Variants in SPATA13 observed in about 807,000 individuals in gnomAD.
The protein encoded by SPATA13 is spermatogenesis-associated protein 13.
A neutral mutation model predicts 104.0 loss-of-function variants in SPATA13; 50 were observed. The ratio of observed to expected loss-of-function variants is 0.48; its 90% confidence interval spans 0.38 to 0.61. The LOEUF is 0.61. SPATA13 is among the 20% of genes least tolerant of loss of function. SPATA13 has a pLI of 0.00. For missense variants in SPATA13, 1,524 were observed against 1,690.6 expected, an observed-to-expected ratio of 0.90 and a Z score of 1.73; for synonymous variants, 606 against 667.5, an observed-to-expected ratio of 0.91 and a Z score of 1.42.
intron 3 of SPATA13, chr13:24,123,365 C>T: frequency 7.7e-7 from 1 of 1,295,486 alleles, no homozygotes; most frequent in South Asian, 1.2e-5. Context: ...AGTGAATTAC[C>T]CAGCAAGCCC....
intron 1 of SPATA13, among the ~76,000 whole-genome samples, chr13:24,215,695 G>A (rs1871230090): frequency 6.6e-6 from 1 of 152,174 alleles, no homozygotes; most frequent in African/African-American, 2.4e-5. Flanking sequence ...ATTCCCTTTA[G>A]GGGTATTCTG....
intron 3 of SPATA13, among the ~76,000 whole-genome samples, chr13:24,066,424 G>A (rs1049254311): frequency 5.9e-5 from 9 of 152,180 alleles, no homozygotes; most frequent in African/African-American, 2.2e-4. Context: ...GCCCGGAGGT[G>A]AGACTCCCAG....
intron 1 of SPATA13, among the ~76,000 whole-genome samples, chr13:24,209,641 C>T (rs1870903324): frequency 6.6e-6 from 1 of 152,156 alleles, no homozygotes; most frequent in Non-Finnish European, 1.5e-5. Flanking sequence ...TGTGTATACA[C>T]CACATTTTCT....
Position 24,139,703 on chromosome 13 carries a change from G to A in SPATA13, c.-111-83116G>A, listed in dbSNP as rs1245249979. Among the ~76,000 whole-genome samples, 8 of 152,124 alleles carry A rather than the reference G, an allele frequency of 5.3e-5. No homozygotes were observed. In the East Asian group the frequency reaches 1.3e-3, roughly 26 times the overall value. On this transcript the variant is annotated intron_variant, in intron 3 of 14. Transcript: ENST00000424834. ...GGAAGGTGCTCTGGGTTTATTTCTC[G>A]CCATGGCACTGCTTAGCTACATGAT...
intron 1 of SPATA13, among the ~76,000 whole-genome samples, chr13:24,190,900 A>C (rs1869696194): frequency 6.6e-6 from 1 of 152,172 alleles, no homozygotes; most frequent in Non-Finnish European, 1.5e-5. Context: ...ACAGTATCGC[A>C]TCCTGTAGAG....
At chr13:24,136,649 G>A (rs1881580707) in intron 3 of SPATA13, among the ~76,000 whole-genome samples, 2 of 152,180 alleles carry the variant, frequency 1.3e-5, no homozygotes, top group African/African-American at 4.8e-5. Flanking sequence ...TTGGGGCCAC[G>A]ATGTTCACCA....
intron 2 of SPATA13, among the ~76,000 whole-genome samples, chr13:24,001,247 C>T (rs1875952873): frequency 6.6e-6 from 1 of 152,144 alleles, no homozygotes; most frequent in African/African-American, 2.4e-5. Flanking sequence ...AACAGTGTTA[C>T]ATCGCTGAGG....
chr13:24,156,500 G>A (rs1882260379), upstream of SPATA13, among the ~76,000 whole-genome samples: 1 of 152,168 alleles, frequency 6.6e-6, no homozygotes. Flanking sequence ...TTTCCTCTCT[G>A]TGCCTCAATT....
chr13:24,105,602 G>C (rs1292290531), intron 3 of SPATA13, among the ~76,000 whole-genome samples: 1 of 152,104 alleles, frequency 6.6e-6, no homozygotes, highest in Admixed American at 6.5e-5. Flanking sequence ...AGCTAAAATA[G>C]GCCTACGGAG....
intron 7 of SPATA13, among the ~76,000 whole-genome samples, chr13:24,287,443 G>A (rs187005502): frequency 3.3e-5 from 5 of 152,348 alleles, no homozygotes; most frequent in East Asian, 3.9e-4. Context: ...GATTAGAGGC[G>A]TGAGCCAGTG....
chr13:24,062,971 C>T (rs1377226710), intron 3 of SPATA13, among the ~76,000 whole-genome samples: 2 of 152,162 alleles, frequency 1.3e-5, no homozygotes, highest in African/African-American at 4.8e-5. Context: ...CAAAGTGCCC[C>T]TGGGGGTTTG....
chr13:24,260,864 T>A (rs1874029547), intron 4 of SPATA13, among the ~76,000 whole-genome samples: 1 of 152,248 alleles, frequency 6.6e-6, no homozygotes, highest in African/African-American at 2.4e-5. Context: ...GGGAGCCTTG[T>A]CCTACATCAT....
Position 24,244,480 on chromosome 13 carries a change from G to A in SPATA13, c.1654-4997G>A, listed in dbSNP as rs141541689. 3.2e-4 allele frequency among the ~76,000 whole-genome samples: 49 copies of A among 152,314 alleles called. 1 individual carries two copies. Among genetic ancestry groups the A allele is most frequent in the African/African-American group, 1.1e-3 (46 of 41,568 alleles). Reference sequence around the variant, plus strand: ...AAAATGTCTCACTGGAGGTAACATAGCCTATATTGGCTTTTTACTTTTGCA... The same window carrying A: ...AAAATGTCTCACTGGAGGTAACATAACCTATATTGGCTTTTTACTTTTGCA... On this transcript the variant is annotated intron_variant, in intron 2 of 12. Transcript: ENST00000382108.
intron 3 of SPATA13, among the ~76,000 whole-genome samples, chr13:24,097,842 G>T (rs1880131686): frequency 6.6e-6 from 1 of 152,184 alleles, no homozygotes; most frequent in Non-Finnish European, 1.5e-5. Flanking sequence ...GCAGGCGAGG[G>T]CCCCACACTC....
chr13:24,208,824 C>T (rs966465297), intron 1 of SPATA13, among the ~76,000 whole-genome samples: 2 of 152,190 alleles, frequency 1.3e-5, no homozygotes, highest in Admixed American at 6.5e-5. Flanking sequence ...TCAGAAATTA[C>T]CGCACTTGGT....
In SPATA13 at chr13:24,251,844, C is replaced by T; in HGVS notation, c.2146C>T (p.Gln716Ter). The change falls in exon 4 of 13, where the codon CAG (glutamine) becomes TAG (stop). Residue 716 changes from glutamine to a stop codon, truncating the protein, a stop_gained. Transcript: ENST00000382108. LOFTEE classifies it high-confidence loss of function. ...IGLDRVGRRRQMRASNVSSDG... is the reference protein window; with the variant it reads ...IGLDRVGRRR Reference sequence around the variant, plus strand: ...GTTGGACCGTGTGGGACGCCGGCGGCAGATGAGAGCATCCAACGGTGAGTC... The same window carrying T: ...GTTGGACCGTGTGGGACGCCGGCGGTAGATGAGAGCATCCAACGGTGAGTC... The T allele has an allele frequency of 6.2e-7, 1 of 1,613,836 alleles. No homozygotes were observed. Among genetic ancestry groups the T allele is most frequent in the Non-Finnish European group, 8.5e-7 (1 of 1,179,810 alleles).
At position 24,167,584 on chromosome 13, in the gene SPATA13, A is replaced by G. The variant is rs115104008; in HGVS notation, c.-112+6652A>G. Among the ~76,000 whole-genome samples, 816 of 152,290 alleles carry G rather than the reference A, an allele frequency of 5.4e-3. 4 individuals are homozygous for G. Among genetic ancestry groups the G allele is most frequent in the African/African-American group, 0.019 (789 of 41,554 alleles). ...GTGAAGTACCAATACTTCTGTGTGA[A>G]TAGTGTGAATGGGAATGTTATGTGA... On this transcript the variant is annotated intron_variant, in intron 1 of 12. Coordinates refer to ENST00000382108, the MANE Select transcript of SPATA13 (RefSeq NM_001166271.3).
intron 1 of SPATA13, among the ~76,000 whole-genome samples, chr13:24,183,362 A>G (rs2138528231): frequency 6.6e-6 from 1 of 152,378 alleles, no homozygotes; most frequent in Non-Finnish European, 1.5e-5. Context: ...GAATGACAGA[A>G]CTAGAAACAT....
At chr13:24,281,631 T>C in intron 4 of SPATA13, among the ~76,000 whole-genome samples, 1 of 150,770 alleles carries the variant, frequency 6.6e-6, no homozygotes, top group Non-Finnish European at 1.5e-5. Context: ...GTGGCTGGGA[T>C]GTCGGGGTTT....
Sources: allele counts gnomAD v4.1 joint callset (sites outside exome capture counted in the v4.1 genomes callset), GRCh38; gene constraint gnomAD v4.1.1; transcripts MANE v1.5; gene names NCBI Gene and HGNC (gene_info 2026-07-23, HGNC 2026-07-21).